The following N4BP2L2 variants were observed in gnomAD, a reference collection of about 807,000 sequenced individuals.
N4BP2L2 encodes the protein NEDD4-binding protein 2-like 2.
A neutral mutation model predicts 56.2 loss-of-function variants in N4BP2L2; 50 were observed. The ratio of observed to expected loss-of-function variants is 0.89; its 90% CI spans 0.71 to 1.13. The LOEUF (loss-of-function observed/expected upper bound fraction) is 1.13. N4BP2L2 is among the 50% of genes most tolerant of loss of function. The pLI, the probability that N4BP2L2 is intolerant of heterozygous loss-of-function variation, is 0.00. For synonymous variants in N4BP2L2, 203 were observed against 223.6 expected, an observed-to-expected ratio of 0.91 and a Z score of 0.82; for missense variants, 689 against 693.8, an observed-to-expected ratio of 0.99 and a Z score of 0.08.
chr13:32,518,194 G>T (rs553137087), intron 5 of N4BP2L2, among the ~76,000 whole-genome samples, 191 bp from the exon 6 acceptor site: 5 of 152,066 alleles, frequency 3.3e-5, no homozygotes, highest in Admixed American at 2.0e-4. Flanking sequence ...TTTTAAAAAG[G>T]TATAAAGATT....
At chr13:32,493,904 T>A (rs2087805012) in intron 6 of N4BP2L2, among the ~76,000 whole-genome samples, 1 of 152,226 alleles carries the variant, frequency 6.6e-6, no homozygotes, top group Non-Finnish European at 1.5e-5. Context: ...TGGATGCTAG[T>A]CCTAGTCCTT....
At chr13:32,481,024 C>A (rs1296440002) in intron 6 of N4BP2L2, among the ~76,000 whole-genome samples, 5 of 143,598 alleles carry the variant, frequency 3.5e-5, no homozygotes, top group African/African-American at 1.3e-4. Context: ...GAGGCTGAGG[C>A]CGGAGAATCA....
intron 6 of N4BP2L2, among the ~76,000 whole-genome samples, chr13:32,454,173 G>C (rs1428294360): frequency 6.6e-6 from 1 of 152,108 alleles, no homozygotes; most frequent in Non-Finnish European, 1.5e-5. Flanking sequence ...AGGAAATGAA[G>C]ACAAGGGCAG....
chr13:32,517,553 C>G, exon 6 of N4BP2L2: 2 of 1,230,324 alleles, frequency 1.6e-6, no homozygotes, highest in Non-Finnish European at 2.0e-6. Flanking sequence ...CTACCCACCA[C>G]TCTATTACTC....
At chr13:32,510,354 T>A (rs1457799817) in exon 6 of N4BP2L2, 1 of 152,018 alleles carries the variant, frequency 6.6e-6, no homozygotes, top group South Asian at 2.1e-4. Flanking sequence ...TAATAAAATA[T>A]TAAAATTAAT....
Position 32,442,895 on chromosome 13 carries a change from GT to G in N4BP2L2, c.1596del (p.Lys532AsnfsTer3). Reference sequence around the variant, plus strand: ...AATGGATGATGATCAAAGGTCATAAGTTTTTGTTTATTCTCCTCTTCACTGT... The same window carrying G: ...AATGGATGATGATCAAAGGTCATAAGTTTTGTTTATTCTCCTCTTCACTGT... On this transcript the variant is annotated frameshift_variant, in exon 7 of 10. Coordinates refer to the N4BP2L2 transcript ENST00000357505. LOFTEE classifies it high-confidence loss of function. 1 of 1,612,862 alleles carries G rather than the reference GT, an allele frequency of 6.2e-7. No homozygotes were observed. The highest frequency in any genetic ancestry group is 2.2e-5 in the East Asian group (1 of 44,862).
chr13:32,460,926 T>A (rs879723995), intron 6 of N4BP2L2, among the ~76,000 whole-genome samples: 1 of 152,042 alleles, frequency 6.6e-6, no homozygotes, highest in South Asian at 2.1e-4. Flanking sequence ...TATCAACCAA[T>A]AGAACAGAAT....
exon 2 of N4BP2L2, chr13:32,536,634 C>T: frequency 6.2e-7 from 1 of 1,613,872 alleles, no homozygotes; most frequent in Non-Finnish European, 8.5e-7. Context: ...TTCTTTTTCT[C>T]AGGGGGTTTG....
intron 6 of N4BP2L2, among the ~76,000 whole-genome samples, chr13:32,469,930 C>T (rs1372268040): frequency 2.6e-5 from 4 of 152,098 alleles, no homozygotes; most frequent in Non-Finnish European, 5.9e-5. Context: ...AGGTGCCTTG[C>T]TCAGAGGGAC....
chr13:32,496,439 T>A (rs986366452), intron 6 of N4BP2L2, among the ~76,000 whole-genome samples: 8 of 152,216 alleles, frequency 5.3e-5, no homozygotes, highest in Non-Finnish European at 1.0e-4. Flanking sequence ...ACAAGTGTGC[T>A]GGAGTTTAAA....
intron 6 of N4BP2L2, among the ~76,000 whole-genome samples, chr13:32,497,483 C>T (rs183684592): frequency 6.6e-4 from 100 of 152,316 alleles, no homozygotes; most frequent in Non-Finnish European, 1.2e-3. Flanking sequence ...CAACAGAGTT[C>T]ACATCACCCT....
chr13:32,537,524 C>G (rs184214744), intron 1 of N4BP2L2, among the ~76,000 whole-genome samples: 3 of 152,206 alleles, frequency 2.0e-5, no homozygotes, highest in Non-Finnish European at 1.5e-5. Context: ...AATTCTCTCC[C>G]AAACCTCAGA....
chr13:32,536,188 G>C (rs755031117), exon 2 of N4BP2L2: 8 of 1,613,496 alleles, frequency 5.0e-6, no homozygotes, highest in Non-Finnish European at 5.9e-6. Flanking sequence ...TGGGAAGAGG[G>C]GGACCATAGG....
exon 4 of N4BP2L2, chr13:32,522,238 C>T (rs1266056454): frequency 1.3e-6 from 2 of 1,569,170 alleles, no homozygotes; most frequent in Non-Finnish European, 1.7e-6. Context: ...TCTATTATAA[C>T]TGGAGATCTT....
chr13:32,462,861 T>TAAAAAAAAAAA (rs569068082), intron 6 of N4BP2L2, among the ~76,000 whole-genome samples: 4 of 51,112 alleles, frequency 7.8e-5, no homozygotes, highest in African/African-American at 1.8e-4. Flanking sequence ...CTGTCTTTAC[T>TAAAAAAAAAAA]AAAAAAAAAA....
downstream of N4BP2L2, chr13:32,506,115 G>C (rs570937546): frequency 6.6e-6 from 1 of 152,276 alleles, no homozygotes; most frequent in African/African-American, 2.4e-5. Context: ...CCAAGATCAA[G>C]GTGTCAGCAG....
intron 6 of N4BP2L2, among the ~76,000 whole-genome samples, chr13:32,483,346 G>A (rs1397731750): frequency 6.6e-6 from 1 of 152,164 alleles, no homozygotes; most frequent in Non-Finnish European, 1.5e-5. Flanking sequence ...AGAAAAAAAC[G>A]CAGGTGGCCT....
intron 4 of N4BP2L2, 50 bp from the exon 5 acceptor site, chr13:32,521,499 A>C: frequency 2.4e-6 from 3 of 1,262,106 alleles, no homozygotes; most frequent in Non-Finnish European, 3.4e-6. Context: ...TACTTCTTAA[A>C]GTAAAAAGAA....
At chr13:32,473,213 C>A (rs1360366770) in intron 6 of N4BP2L2, among the ~76,000 whole-genome samples, 1 of 150,166 alleles carries the variant, frequency 6.7e-6, no homozygotes, top group East Asian at 2.0e-4. Flanking sequence ...ACCCAAGAGG[C>A]AGAGATTGCA....
Sources: allele counts gnomAD v4.1 joint callset (sites outside exome capture counted in the v4.1 genomes callset), GRCh38; gene constraint gnomAD v4.1.1; transcripts MANE v1.5; gene names NCBI Gene and HGNC (gene_info 2026-07-23, HGNC 2026-07-21).